CPLANE1: variants seen among roughly 807,000 people sequenced by gnomAD.
The protein encoded by CPLANE1 is ciliogenesis and planar polarity effector complex subunit 1, also known as ciliogenesis and planar polarity effector 1.
In CPLANE1, 263 loss-of-function variants were observed where a neutral mutation model predicts 362.5. The ratio of observed to expected loss-of-function variants is 0.73; its 90% CI spans 0.66 to 0.80. CPLANE1 has a LOEUF of 0.80. Ranked by LOEUF, CPLANE1 falls within the 30% of genes least tolerant of loss-of-function variation. The probability of loss-of-function intolerance (pLI) is 0.00; values close to 1 mark genes in which losing one functional copy is unlikely to be tolerated. For synonymous variants in CPLANE1, 1,212 were observed against 1,302.6 expected (o/e 0.93, Z 1.50); for missense variants, 3,461 against 3,793.4 (o/e 0.91, Z 2.30).
chr5:37,078,671 T>G, the CPLANE1 span, among the ~76,000 whole-genome samples: 1 of 152,132 alleles, frequency 6.6e-6, no homozygotes, highest in Non-Finnish European at 1.5e-5. Flanking sequence ...CCAGCAACAG[T>G]GTAAAGGTGT....
intron 2 of CPLANE1, among the ~76,000 whole-genome samples, chr5:37,246,635 T>A (rs1457071010): frequency 6.6e-6 from 1 of 152,156 alleles, no homozygotes; most frequent in East Asian, 1.9e-4. Context: ...TTTCATATAT[T>A]CTAAGGCAGT....
At chr5:37,076,063 G>A in the CPLANE1 span, among the ~76,000 whole-genome samples, 703 of 152,046 alleles carry the variant, frequency 4.6e-3, 10 homozygotes, top group African/African-American at 0.016. Flanking sequence ...AGGCAACATA[G>A]TGAAACCCCT....
rs1796522262 is a variant in CPLANE1, at chr5:37,226,621, C to T, written c.1974G>A (p.Gly658=). The T allele has an allele frequency of 1.9e-6, 3 of 1,551,410 alleles. No homozygotes were observed. The highest frequency in any genetic ancestry group is 4.9e-5 in the East Asian group (2 of 40,868). The part of the protein sequence containing the change: ...YWDIRYKQDV[G]HLIKLTSNTV... ...TATTTGAGGTCAGCTTTATCAAATG[C>T]CCCACATCTTGTTTGTATCTTATAT... The change falls in exon 12 of 53, where the codon GGG becomes GGA. Residue 658 remains glycine, a synonymous_variant. Transcript: ENST00000651892.
chr5:37,152,336 C>T (rs1004922510), intron 42 of CPLANE1, among the ~76,000 whole-genome samples: 12 of 151,958 alleles, frequency 7.9e-5, no homozygotes, highest in African/African-American at 2.9e-4. Context: ...ACCACCATAC[C>T]CGACTTATTA....
chr5:37,177,638 TTTTTCCTCCATAA>T lies in CPLANE1; in HGVS notation c.5870_5882del (p.Ile1957AsnfsTer8), dbSNP rs1554080221. On this transcript the variant is annotated frameshift_variant, in exon 30 of 53. Transcript: ENST00000651892. LOFTEE classifies it high-confidence loss of function. ...CCCCTTACCCTTTTTGTTCAGTCGA[TTTTTCCTCCATAA>T]TTGTCTCCAGTGGTTCTTCCCTTTG... 6.2e-7 allele frequency: 1 copy of T among 1,613,476 alleles called. No individual in the cohort carries two copies. The highest frequency in any genetic ancestry group is 8.5e-7 in the Non-Finnish European group (1 of 1,179,598).
chr5:37,198,626 C>T, intron 20 of CPLANE1, 76 bp downstream of exon 20: 2 of 1,389,682 alleles, frequency 1.4e-6, no homozygotes, highest in South Asian at 1.4e-5. Flanking sequence ...GAAAATATAA[C>T]AATTATAAAA....
chr5:37,193,781 C>T (rs1042206142), intron 21 of CPLANE1, among the ~76,000 whole-genome samples: 3 of 151,832 alleles, frequency 2.0e-5, no homozygotes, highest in African/African-American at 4.8e-5. Flanking sequence ...TTCTGCCGCC[C>T]GGGCTGGAGA....
chr5:37,212,333 C>T (rs1792844124), intron 16 of CPLANE1: 4 of 884,804 alleles, frequency 4.5e-6, no homozygotes, highest in South Asian at 3.9e-5. Flanking sequence ...GTGACAAAGT[C>T]GAAAGTTTAA....
At chr5:37,238,275 C>A (rs973808705) in intron 8 of CPLANE1, among the ~76,000 whole-genome samples, 1 of 152,006 alleles carries the variant, frequency 6.6e-6, no homozygotes, top group African/African-American at 2.4e-5. Flanking sequence ...TGGGTTCAAG[C>A]AATTCTTATG....
chr5:37,077,150 G>T, the CPLANE1 span, among the ~76,000 whole-genome samples: 3 of 152,130 alleles, frequency 2.0e-5, no homozygotes, highest in Non-Finnish European at 4.4e-5. Context: ...TTGGACCCTT[G>T]CTTGGGGTAT....
chr5:37,140,446 A>G, intron 44 of CPLANE1: 1 of 985,194 alleles, frequency 1.0e-6, no homozygotes, highest in Non-Finnish European at 1.2e-6. Flanking sequence ...CAATTTAACT[A>G]AGAGAGAAAT....
chr5:37,136,479 C>G (rs575295799), intron 46 of CPLANE1, among the ~76,000 whole-genome samples: 1 of 152,358 alleles, frequency 6.6e-6, no homozygotes, highest in Admixed American at 6.5e-5. Context: ...TTTCCAGGCA[C>G]ATGGTGCAAG....
chr5:37,085,790 A>G, the CPLANE1 span: 101 of 1,451,566 alleles, frequency 7.0e-5, 1 homozygote, highest in South Asian at 1.1e-3. Flanking sequence ...AGGAAAGGGT[A>G]TCTGCCTCAC....
chr5:37,078,308 G>T, the CPLANE1 span, among the ~76,000 whole-genome samples: 1 of 152,074 alleles, frequency 6.6e-6, no homozygotes, highest in Non-Finnish European at 1.5e-5. Flanking sequence ...TTGGTTTTCC[G>T]TTCCTGCCTT....
At chr5:37,229,695 T>A (rs1344909336) in intron 9 of CPLANE1, among the ~76,000 whole-genome samples, 1 of 152,152 alleles carries the variant, frequency 6.6e-6, no homozygotes, top group East Asian at 1.9e-4. Context: ...CCACATATAA[T>A]CAACATCAAT....
At chr5:37,104,780 G>A (rs1007657223), downstream of CPLANE1, among the ~76,000 whole-genome samples, 4 of 151,496 alleles carry the variant, frequency 2.6e-5, no homozygotes, top group African/African-American at 7.3e-5. Context: ...AAAATTAGCT[G>A]AGCATGGTGG....
chr5:37,196,015 C>A lies in CPLANE1; in HGVS notation c.3673-19G>T. ...TTCGAATCTAAAAGTAAAGAATAACCGAACATGTTAATTATCAGCTGTATA... is the reference window on the plus strand; with the variant it reads ...TTCGAATCTAAAAGTAAAGAATAACAGAACATGTTAATTATCAGCTGTATA... On this transcript the variant is annotated intron_variant, in intron 20 of 52. Transcript: ENST00000651892. 1 of 1,576,992 alleles carries A rather than the reference C, an allele frequency of 6.3e-7. No homozygotes were observed. The highest frequency in any genetic ancestry group is 8.6e-7 in the Non-Finnish European group (1 of 1,165,054).
At chr5:37,219,977 G>A (rs1342064058) in intron 15 of CPLANE1, among the ~76,000 whole-genome samples, 2 of 152,150 alleles carry the variant, frequency 1.3e-5, no homozygotes, top group East Asian at 3.8e-4. Context: ...AGTAAGCCAA[G>A]CACAGTGGCT....
At chr5:37,190,286 A>G (rs959284414) in intron 21 of CPLANE1, among the ~76,000 whole-genome samples, 1 of 152,034 alleles carries the variant, frequency 6.6e-6, no homozygotes. Context: ...AGATGGACTT[A>G]TAGGCCAGGC....
Sources: allele counts gnomAD v4.1 joint callset (sites outside exome capture counted in the v4.1 genomes callset), GRCh38; gene constraint gnomAD v4.1.1; transcripts MANE v1.5; gene names NCBI Gene and HGNC (gene_info 2026-07-23, HGNC 2026-07-21).